The following PCDHGA1 variants were observed in gnomAD, a reference collection of about 807,000 sequenced individuals.
The protein encoded by PCDHGA1 is protocadherin gamma subfamily A, 1.
A neutral mutation model predicts 58.0 loss-of-function variants in PCDHGA1; 32 were observed. The observed-to-expected ratio is 0.55, with a 90% CI of 0.42 to 0.74. PCDHGA1 has a LOEUF of 0.74. Ranked by LOEUF, PCDHGA1 falls within the 30% of genes least tolerant of loss-of-function variation. The pLI, the probability that PCDHGA1 is intolerant of heterozygous loss-of-function variation, is 0.00. For synonymous variants in PCDHGA1, 498 were observed against 501.1 expected, an observed-to-expected ratio of 0.99 and a Z score of 0.08; for missense variants, 1,205 against 1,182.3, an observed-to-expected ratio of 1.02 and a Z score of -0.28.
intron 1 of PCDHGA1, chr5:141,392,278 G>C (rs2092498621): frequency 6.6e-6 from 1 of 152,148 alleles, no homozygotes; most frequent in Non-Finnish European, 1.5e-5. Flanking sequence ...ATAAAGCTTA[G>C]AGCACAATGG....
chr5:141,497,414 C>A (rs1021294577), intron 2 of PCDHGA1, among the ~76,000 whole-genome samples: 34 of 152,066 alleles, frequency 2.2e-4, no homozygotes, highest in Admixed American at 2.0e-3. Flanking sequence ...CCCATTCCAT[C>A]AAATGAGAGG....
chr5:141,360,278 G>A lies in PCDHGA1; in HGVS notation c.2421+27173G>A, dbSNP rs1761512011. On this transcript the variant is annotated intron_variant, in intron 1 of 3. Transcript: ENST00000517417. ...GAGCTGGCCAAAAACTCGGTCGTAGGAAACCTCGCCAAGGATCTGGGGCTC... is the reference window on the plus strand; with the variant it reads ...GAGCTGGCCAAAAACTCGGTCGTAGAAAACCTCGCCAAGGATCTGGGGCTC... 1.9e-6 allele frequency: 3 copies of A among 1,613,846 alleles called. No individual in the cohort carries two copies. In the African/African-American group the frequency reaches 4.0e-5, roughly 22 times the overall value.
At chr5:141,401,734 G>T (rs2094188545) in intron 1 of PCDHGA1, among the ~76,000 whole-genome samples, 1 of 152,166 alleles carries the variant, frequency 6.6e-6, no homozygotes, top group Non-Finnish European at 1.5e-5. Context: ...CTAGTCTTGT[G>T]TACATACAAA....
At chr5:141,427,812 G>C (rs1380721111) in intron 1 of PCDHGA1, 1 of 1,524,406 alleles carries the variant, frequency 6.6e-7, no homozygotes, top group Non-Finnish European at 9.0e-7. Flanking sequence ...CGCACAGAGC[G>C]GGGTGGTGGT....
rs67622091 is a variant in PCDHGA1 at position 141,388,335 on chromosome 5, C to T, written c.2421+55230C>T. ...AAGTGAGTCTGCACAGCCTGGCACA[C>T]GATTTATATTAGGATCTGCCCATGA... On this transcript the variant is annotated intron_variant, in intron 1 of 3. Transcript: ENST00000517417. 13 of 1,613,842 alleles carry T rather than the reference C, an allele frequency of 8.1e-6. No homozygotes were observed. In the East Asian group the frequency reaches 1.8e-4, roughly 22 times the overall value.
intron 1 of PCDHGA1, chr5:141,420,410 A>G (rs2096494809): frequency 2.4e-6 from 3 of 1,236,296 alleles, no homozygotes; most frequent in South Asian, 4.4e-5. Flanking sequence ...TATGGTTATC[A>G]TTATTAAAAC....
intron 1 of PCDHGA1, chr5:141,372,944 T>C: frequency 5.1e-6 from 4 of 788,876 alleles, no homozygotes; most frequent in Non-Finnish European, 7.7e-6. Context: ...GTAGGGTGTC[T>C]AGGAAATTCT....
chr5:141,501,478 T>A (rs536337246), intron 2 of PCDHGA1, among the ~76,000 whole-genome samples: 5 of 151,890 alleles, frequency 3.3e-5, no homozygotes, highest in Non-Finnish European at 7.4e-5. Flanking sequence ...CCTGGAAGAG[T>A]CCCTCATATC....
At position 141,477,748 on chromosome 5, in the gene PCDHGA1, C is replaced by T; in HGVS notation, c.2422-17059C>T. ...CAGCTCATATCAGCGATGGGGGCAC[C>T]CCGGTCCTAGCCACCAACATCAGCG... On this transcript the variant is annotated intron_variant, in intron 1 of 3. Transcript: ENST00000517417. The surrounding 1 kb of genome is among the most constrained non-coding windows in gnomAD (Gnocchi z 4.9). 6.2e-7 allele frequency: 1 copy of T among 1,613,872 alleles called. No homozygotes were observed. The highest frequency in any genetic ancestry group is 1.1e-5 in the South Asian group (1 of 91,080).
chr5:141,393,535 T>G, intron 1 of PCDHGA1: 1 of 1,613,888 alleles, frequency 6.2e-7, no homozygotes, highest in Non-Finnish European at 8.5e-7. Context: ...AATGCCCCGG[T>G]TTTTCCTCAC....
rs977174958 is a variant in PCDHGA1, at chr5:141,394,524, G to C, written c.2421+61419G>C. 3.7e-6 allele frequency: 6 copies of C among 1,614,096 alleles called. No homozygotes were observed. The African/African-American group carries it at 6.7e-5, about 18-fold the overall frequency. ...CCTGTACCCCGCCCTCCCCACAGAC[G>C]GTTCCACTGGCGTGGAGCTGGCGCC... On this transcript the variant is annotated intron_variant, in intron 1 of 3. Coordinates refer to ENST00000517417, the MANE Select transcript of PCDHGA1 (RefSeq NM_018912.3).
chr5:141,339,754 A>G (rs1239284115), intron 1 of PCDHGA1: 2 of 1,614,064 alleles, frequency 1.2e-6, no homozygotes, highest in Non-Finnish European at 1.7e-6. Context: ...GCACCCGGAT[A>G]CTCACGGTGA....
rs941528168 is a variant in PCDHGA1, at chr5:141,476,433, T to C, written c.2422-18374T>C. 2 of 1,614,094 alleles carry C rather than the reference T, an allele frequency of 1.2e-6. No individual in the cohort carries two copies. The highest frequency in any genetic ancestry group is 2.2e-5 in the East Asian group (1 of 44,856). ...TGTGGGACACTGCCCTCTTGCACTGTAACTCTGGAGTTGGTAGTGGAGAAC... is the reference window on the plus strand; with the variant it reads ...TGTGGGACACTGCCCTCTTGCACTGCAACTCTGGAGTTGGTAGTGGAGAAC... On this transcript the variant is annotated intron_variant, in intron 1 of 3. Coordinates refer to ENST00000517417, the MANE Select transcript of PCDHGA1 (RefSeq NM_018912.3). This position sits in a 1 kb window ranked among gnomAD's most constrained non-coding sequence, Gnocchi z 7.6.
At position 141,505,200 on chromosome 5, in the gene PCDHGA1, G is replaced by T. The variant is rs528060752; in HGVS notation, c.2481-193G>T. On this transcript the variant is annotated intron_variant, in intron 2 of 3. Transcript: ENST00000517417. ...AAAGCATCGGAGGCAGCAAAGAGCTGGTTTGAGGGACTGACTTGTGGGATT... is the reference window on the plus strand; with the variant it reads ...AAAGCATCGGAGGCAGCAAAGAGCTTGTTTGAGGGACTGACTTGTGGGATT... Among the ~76,000 whole-genome samples the T allele has an allele frequency of 6.6e-5, 10 of 152,244 alleles. No individual in the cohort carries two copies. The East Asian group carries it at 7.7e-4, about 12-fold the overall frequency.
At chr5:141,393,944 A>G (rs756691407) in intron 1 of PCDHGA1, 3 of 1,613,998 alleles carry the variant, frequency 1.9e-6, no homozygotes, top group South Asian at 1.1e-5. Flanking sequence ...AAGACTCTGG[A>G]AAGAATGGTC....
chr5:141,377,182 A>G (rs958059395), intron 1 of PCDHGA1: 9 of 152,144 alleles, frequency 5.9e-5, no homozygotes, highest in Non-Finnish European at 8.8e-5. Flanking sequence ...TTCTTGGCAA[A>G]CTATTTGTGT....
chr5:141,408,055 C>T lies in PCDHGA1; in HGVS notation c.2421+74950C>T, dbSNP rs1012762205. 35 of 1,299,012 alleles carry T rather than the reference C, an allele frequency of 2.7e-5. No homozygotes were observed. In the South Asian group the frequency reaches 3.8e-4, roughly 14 times the overall value. 80.5% of individuals were successfully genotyped at this position (1,299,012 alleles called of 1,614,324 possible). On this transcript the variant is annotated intron_variant, in intron 1 of 3. Coordinates refer to ENST00000517417, the MANE Select transcript of PCDHGA1 (RefSeq NM_018912.3). ...AAAACCAGCTCCCACACAGAGCCTCCCGGCTGCGCAGACCTTTCCCAGCAC... is the reference window on the plus strand; with the variant it reads ...AAAACCAGCTCCCACACAGAGCCTCTCGGCTGCGCAGACCTTTCCCAGCAC...
rs770093591 is a variant in PCDHGA1 at position 141,486,147 on chromosome 5, G to T, written c.2422-8660G>T. ...GAATTTGATGTGCGGGCTCGCGATG[G>T]GGGTTCTCCAGCCATGGAGCAACAT... On this transcript the variant is annotated intron_variant, in intron 1 of 3. Transcript: ENST00000517417. This position sits in a 1 kb window ranked among gnomAD's most constrained non-coding sequence, Gnocchi z 5.0. The T allele has an allele frequency of 6.2e-7, 1 of 1,614,168 alleles. No individual in the cohort carries two copies. The highest frequency in any genetic ancestry group is 1.7e-5 in the Admixed American group (1 of 60,028).
intron 1 of PCDHGA1, chr5:141,340,847 G>A (rs762713317): frequency 1.2e-6 from 2 of 1,612,760 alleles, no homozygotes. Context: ...CACGGGCGAG[G>A]TGCGCACGGC....
Sources: allele counts gnomAD v4.1 joint callset (sites outside exome capture counted in the v4.1 genomes callset), GRCh38; gene constraint gnomAD v4.1.1; non-coding constraint Gnocchi (gnomAD v3.1); transcripts MANE v1.5; gene names NCBI Gene and HGNC (gene_info 2026-07-23, HGNC 2026-07-21).